Variants in TMEM132D observed in about 807,000 individuals in gnomAD.
TMEM132D encodes transmembrane protein 132D, also known as mature OL transmembrane protein.
Under a neutral mutation model 62.3 loss-of-function variants are expected in TMEM132D, and 21 were observed. The observed-to-expected ratio is 0.34, with a 90% CI of 0.24 to 0.49. The LOEUF (loss-of-function observed/expected upper bound fraction) is 0.49, where lower values mean the gene tolerates loss of function less well. Among genes scored for constraint, TMEM132D ranks in the 20% least tolerant of loss-of-function variants. The pLI, the probability that TMEM132D is intolerant of heterozygous loss-of-function variation, is 0.99. For missense variants in TMEM132D, 1,346 were observed against 1,402.8 expected, an observed-to-expected ratio of 0.96 and a Z score of 0.65; for synonymous variants, 621 against 575.6, an observed-to-expected ratio of 1.08 and a Z score of -1.13.
At chr12:129,240,043 TAA>T (rs1421080130) in intron 4 of TMEM132D, among the ~76,000 whole-genome samples, 1 of 152,204 alleles carries the variant, frequency 6.6e-6, no homozygotes, top group Non-Finnish European at 1.5e-5. Context: ...CCTTCCAGTC[TAA>T]AGAGGTAGAC....
intron 2 of TMEM132D, among the ~76,000 whole-genome samples, chr12:129,574,823 T>C (rs537664981): frequency 6.6e-6 from 1 of 151,862 alleles, no homozygotes; most frequent in Non-Finnish European, 1.5e-5. Flanking sequence ...TGACAGGTGA[T>C]GCAATACAAA....
chr12:129,676,492 A>G (rs1265537879), intron 2 of TMEM132D, among the ~76,000 whole-genome samples: 1 of 152,206 alleles, frequency 6.6e-6, no homozygotes, highest in East Asian at 1.9e-4. Flanking sequence ...CTGTGCAGAC[A>G]TGGTACCAGC....
intron 2 of TMEM132D, among the ~76,000 whole-genome samples, chr12:129,542,119 G>A (rs2137098435): frequency 6.6e-6 from 1 of 152,286 alleles, no homozygotes; most frequent in Admixed American, 6.5e-5. Context: ...AATATTTGCA[G>A]ACAAGCAGCT....
chr12:129,548,719 G>C (rs1876808242), intron 2 of TMEM132D, among the ~76,000 whole-genome samples: 1 of 152,142 alleles, frequency 6.6e-6, no homozygotes, highest in Admixed American at 6.5e-5. Context: ...ATCAAGGGGG[G>C]GTGAGGAAGT....
In TMEM132D at chr12:129,903,369, TC is replaced by T. The variant is rs1875435889; in HGVS notation, c.-31del. 1.9e-6 allele frequency: 3 copies of T among 1,549,324 alleles called. No homozygotes were observed. Among genetic ancestry groups the T allele is most frequent in the Non-Finnish European group, 2.6e-6 (3 of 1,145,378 alleles). ...GAGACCCGGAGCGCAGATCCTCCGC[TC>T]CCCGGCGCCGTCCAGGCGAACAAGA... On this transcript the variant is annotated 5_prime_UTR_variant, in exon 1 of 9. Transcript: ENST00000422113. The surrounding 1 kb of genome is among the most constrained non-coding windows in gnomAD (Gnocchi z 6.2).
At chr12:129,556,436 A>C (rs922210444) in intron 2 of TMEM132D, among the ~76,000 whole-genome samples, 4 of 151,574 alleles carry the variant, frequency 2.6e-5, no homozygotes, top group Non-Finnish European at 5.9e-5. Flanking sequence ...ACTGGTTCTT[A>C]TCATGTCTTC....
chr12:129,610,264 C>T (rs1878735225), intron 2 of TMEM132D, among the ~76,000 whole-genome samples: 2 of 127,198 alleles, frequency 1.6e-5, no homozygotes, highest in Admixed American at 8.5e-5. Flanking sequence ...GCGACAAGAG[C>T]AAGGCTCTGT....
intron 4 of TMEM132D, among the ~76,000 whole-genome samples, chr12:129,247,228 T>C (rs1880145250): frequency 6.6e-6 from 1 of 152,206 alleles, no homozygotes; most frequent in Non-Finnish European, 1.5e-5. Flanking sequence ...AATTTGGGGT[T>C]AGTCGTTGGG....
At chr12:129,588,647 C>T (rs1282553103) in intron 2 of TMEM132D, among the ~76,000 whole-genome samples, 3 of 151,700 alleles carry the variant, frequency 2.0e-5, no homozygotes, top group Admixed American at 6.6e-5. Context: ...CCATCTCCGC[C>T]CACTGCAAGC....
chr12:129,503,669 G>A (rs1875231144), intron 3 of TMEM132D, among the ~76,000 whole-genome samples: 1 of 152,082 alleles, frequency 6.6e-6, no homozygotes, highest in South Asian at 2.1e-4. Flanking sequence ...AATCTAGAAG[G>A]TTAACTTTTT....
chr12:129,522,453 C>G (rs1411847389), intron 3 of TMEM132D: 2 of 151,910 alleles, frequency 1.3e-5, no homozygotes, highest in African/African-American at 4.8e-5. Flanking sequence ...GACTTCAAGC[C>G]ACAGATCATC....
chr12:129,437,598 G>A (rs1228441224), intron 3 of TMEM132D, among the ~76,000 whole-genome samples: 3 of 152,118 alleles, frequency 2.0e-5, no homozygotes, highest in Non-Finnish European at 4.4e-5. Flanking sequence ...CTCTTACACT[G>A]CTGGTAGGAA....
chr12:129,091,270 G>T (rs909802069), intron 5 of TMEM132D, among the ~76,000 whole-genome samples: 1 of 151,092 alleles, frequency 6.6e-6, no homozygotes, highest in African/African-American at 2.4e-5. Context: ...GGGCTCTGGG[G>T]ACCCTTCCTA....
intron 2 of TMEM132D, among the ~76,000 whole-genome samples, chr12:129,606,160 G>A (rs920074064): frequency 2.0e-5 from 3 of 152,164 alleles, no homozygotes; most frequent in South Asian, 2.1e-4. Context: ...TGCCTTCAGG[G>A]TAGAACAGTA....
At chr12:129,318,957 G>A (rs1868580188) in intron 4 of TMEM132D, among the ~76,000 whole-genome samples, 1 of 152,112 alleles carries the variant, frequency 6.6e-6, no homozygotes, top group African/African-American at 2.4e-5. Context: ...TGAAGGGCTG[G>A]TTTCACTCCC....
At chr12:129,866,141 A>G (rs1228859776) in intron 1 of TMEM132D, among the ~76,000 whole-genome samples, 1 of 152,198 alleles carries the variant, frequency 6.6e-6, no homozygotes, top group Non-Finnish European at 1.5e-5. Context: ...CGACATGACT[A>G]TTCACCAGGG....
chr12:129,415,498 A>T (rs1050937306), intron 3 of TMEM132D, among the ~76,000 whole-genome samples: 1 of 152,242 alleles, frequency 6.6e-6, no homozygotes, highest in Non-Finnish European at 1.5e-5. Context: ...GAGCGGACAT[A>T]GATATCTAAT....
At chr12:129,372,292 C>T (rs1476032897) in intron 3 of TMEM132D, among the ~76,000 whole-genome samples, 2 of 152,214 alleles carry the variant, frequency 1.3e-5, no homozygotes, top group Non-Finnish European at 2.9e-5. Context: ...GGTCCCCAGT[C>T]TGTGCACCAT....
intron 4 of TMEM132D, among the ~76,000 whole-genome samples, chr12:129,234,669 G>A (rs1879731980): frequency 6.6e-6 from 1 of 152,116 alleles, no homozygotes; most frequent in Non-Finnish European, 1.5e-5. Context: ...GTTAAAATAT[G>A]CTAAGCTCAC....
Sources: gnomAD v4.1 joint callset for allele counts (sites outside exome capture counted in the v4.1 genomes callset) on GRCh38, gnomAD v4.1.1 for gene constraint, Gnocchi (gnomAD v3.1) non-coding constraint, MANE v1.5 for transcripts, NCBI Gene and HGNC (gene_info 2026-07-23, HGNC 2026-07-21) for gene names.